SNAPC1: variants seen among roughly 807,000 people sequenced by gnomAD.
SNAPC1 encodes snRNA-activating protein complex subunit 1.
A neutral mutation model predicts 50.1 loss-of-function variants in SNAPC1; 42 were observed. That is an observed-to-expected ratio of 0.84 (90% confidence interval 0.65 to 1.08). The LOEUF (loss-of-function observed/expected upper bound fraction) is 1.08. SNAPC1 is among the 50% of genes least tolerant of loss of function. SNAPC1 has a pLI of 0.00. For synonymous variants in SNAPC1, 164 were observed against 144.2 expected (o/e 1.14, Z -0.98); for missense variants, 477 against 427.3 (o/e 1.12, Z -1.02).
intron 5 of SNAPC1, among the ~76,000 whole-genome samples, chr14:61,777,209 A>G (rs1372043836): frequency 4.4e-5 from 6 of 136,394 alleles, no homozygotes; most frequent in Non-Finnish European, 7.8e-5. Context: ...AGAAAAGATA[A>G]ACAAGGAAAC....
At chr14:61,779,708 G>GTTTTTT (rs5809124) in intron 7 of SNAPC1, among the ~76,000 whole-genome samples, 2 of 115,530 alleles carry the variant, frequency 1.7e-5, no homozygotes, top group Non-Finnish European at 3.3e-5. Context: ...CACTTTGTTG[G>GTTTTTT]TTTTTTTTTT....
intron 4 of SNAPC1, 76 bp downstream of exon 4, chr14:61,768,816 A>G (rs999890885): frequency 8.6e-6 from 6 of 698,918 alleles, no homozygotes; most frequent in Non-Finnish European, 1.5e-5. Context: ...TTATACCTTC[A>G]TCTACTGGAT....
At position 61,782,324 on chromosome 14, in the gene SNAPC1, CA is replaced by C; in HGVS notation, c.906del (p.Ala303GlnfsTer11). The C allele has an allele frequency of 6.2e-7, 1 of 1,613,230 alleles. No homozygotes were observed. The highest frequency in any genetic ancestry group is 8.5e-7 in the Non-Finnish European group (1 of 1,179,602). On this transcript the variant is annotated frameshift_variant, in exon 8 of 10. Transcript: ENST00000216294. LOFTEE classifies it high-confidence loss of function. ...ATTCTGCATCTGGTCAAGGGCAAGT[CA>C]AAGCAACTAGGAAAAAAGAGAAGAA... ...SDSASGQGQV[K>X]ATRKKEKKER...
intron 9 of SNAPC1, among the ~76,000 whole-genome samples, chr14:61,793,899 G>C (rs549789892): frequency 6.6e-6 from 1 of 151,928 alleles, no homozygotes; most frequent in South Asian, 2.1e-4. Flanking sequence ...TAAGTGATCC[G>C]CTTGCCTTGG....
At position 61,762,443 on chromosome 14, in the gene SNAPC1, G is replaced by GTGCGGGCTTCGGAGGCA; in HGVS notation, c.-6_-5insAGGCATGCGGGCTTCGG. On this transcript the variant is annotated 5_prime_UTR_variant, in exon 1 of 10. The change creates a new upstream start codon in the 5' untranslated region. Coordinates refer to ENST00000216294, the MANE Select transcript of SNAPC1 (RefSeq NM_003082.4). Reference sequence around the variant, plus strand: ...TTAGAGGCGTGCGGGCTTCGGAGGCGTGCGGGCTTCGGGTGCCATGGGGAC... The same window carrying GTGCGGGCTTCGGAGGCA: ...TTAGAGGCGTGCGGGCTTCGGAGGCGTGCGGGCTTCGGAGGCATGCGGGCTTCGGGTGCCATGGGGAC... 6.2e-7 allele frequency: 1 copy of GTGCGGGCTTCGGAGGCA among 1,610,388 alleles called. No individual in the cohort carries two copies. Among genetic ancestry groups the GTGCGGGCTTCGGAGGCA allele is most frequent in the Non-Finnish European group, 8.5e-7 (1 of 1,179,398 alleles).
intron 1 of SNAPC1, among the ~76,000 whole-genome samples, chr14:61,765,405 A>G (rs183347044): frequency 6.6e-6 from 1 of 152,326 alleles, no homozygotes; most frequent in Non-Finnish European, 1.5e-5. Context: ...GTCAGGGCAC[A>G]GCTTGGTTTT....
intron 7 of SNAPC1, among the ~76,000 whole-genome samples, chr14:61,781,675 A>G (rs536131170): frequency 6.6e-6 from 1 of 152,334 alleles, no homozygotes; most frequent in South Asian, 2.1e-4. Flanking sequence ...TTTTCCTGAC[A>G]GCTCCAGCCT....
At chr14:61,794,494 C>G (rs1362807039) in intron 9 of SNAPC1, among the ~76,000 whole-genome samples, 1 of 152,152 alleles carries the variant, frequency 6.6e-6, no homozygotes, top group Admixed American at 6.5e-5. Flanking sequence ...CAACCTCCAC[C>G]TCCTGGGTTC....
At chr14:61,785,914 T>C in intron 8 of SNAPC1, among the ~76,000 whole-genome samples, 1 of 152,036 alleles carries the variant, frequency 6.6e-6, no homozygotes, top group East Asian at 1.9e-4. Context: ...CCTAAGCAGT[T>C]CCAGCTTGAC....
At chr14:61,793,533 G>A (rs1322571372) in intron 9 of SNAPC1, among the ~76,000 whole-genome samples, 1 of 151,852 alleles carries the variant, frequency 6.6e-6, no homozygotes, top group Admixed American at 6.6e-5. Flanking sequence ...ATGAGCCACC[G>A]TGCCTGGCCT....
At position 61,795,434 on chromosome 14, in the gene SNAPC1, ATTG is replaced by A. The variant is rs1288309104; in HGVS notation, c.*454_*456del. Reference sequence around the variant, plus strand: ...TTTGTATATTTATTCTATTTTGTATATTGTTAAGTGCAATAAAGTTTTTGCCTT... The same window carrying A: ...TTTGTATATTTATTCTATTTTGTATATTAAGTGCAATAAAGTTTTTGCCTT... On this transcript the variant is annotated 3_prime_UTR_variant, in exon 10 of 10. Coordinates refer to ENST00000216294, the MANE Select transcript of SNAPC1 (RefSeq NM_003082.4). 6.6e-6 allele frequency: 1 copy of A among 152,528 alleles called. No homozygotes were observed. Among genetic ancestry groups the A allele is most frequent in the Non-Finnish European group, 1.5e-5 (1 of 68,030 alleles). 9.4% of individuals were successfully genotyped at this position (152,528 alleles called of 1,614,324 possible). A position where few individuals can be genotyped will look rare whatever the true frequency, so the allele number is the denominator to read the frequency against.
intron 8 of SNAPC1, among the ~76,000 whole-genome samples, chr14:61,790,822 T>G (rs546060504): frequency 1.1e-3 from 164 of 152,334 alleles, no homozygotes; most frequent in Non-Finnish European, 1.9e-3. Flanking sequence ...TACACTTAAG[T>G]AAATTTGTTG....
Position 61,770,308 on chromosome 14 carries a change from T to A in SNAPC1, c.534+1568T>A, listed in dbSNP as rs2044978669. 3.3e-5 allele frequency among the ~76,000 whole-genome samples: 5 copies of A among 151,326 alleles called. No homozygotes were observed. In the South Asian group the frequency reaches 1.0e-3, roughly 32 times the overall value. On this transcript the variant is annotated intron_variant, in intron 4 of 9. Coordinates refer to ENST00000216294, the MANE Select transcript of SNAPC1 (RefSeq NM_003082.4). Reference sequence around the variant, plus strand: ...CCCAGGCTGGAATGTAGTGGCACGATCTTGGCTTGCAGCAACCTCTGCCTC... The same window carrying A: ...CCCAGGCTGGAATGTAGTGGCACGAACTTGGCTTGCAGCAACCTCTGCCTC...
intron 1 of SNAPC1, among the ~76,000 whole-genome samples, chr14:61,765,008 C>T (rs961946072): frequency 3.9e-5 from 6 of 152,062 alleles, no homozygotes; most frequent in East Asian, 1.9e-4. Context: ...ATTTGTATAG[C>T]GTATTAGTCA....
chr14:61,794,903 T>C, intron 9 of SNAPC1, 46 bp from the exon 10 acceptor site: 2 of 1,386,450 alleles, frequency 1.4e-6, no homozygotes, highest in African/African-American at 1.4e-5. Context: ...TGTTTGTTTT[T>C]TTTTTGTTTT....
intron 9 of SNAPC1, among the ~76,000 whole-genome samples, chr14:61,794,620 G>C (rs565364414): frequency 1.3e-4 from 20 of 152,236 alleles, no homozygotes; most frequent in Admixed American, 7.9e-4. Context: ...ATGTTAGCCA[G>C]GATGGTCTCG....
intron 7 of SNAPC1, among the ~76,000 whole-genome samples, chr14:61,781,123 G>A (rs1270099700): frequency 6.6e-6 from 1 of 152,092 alleles, no homozygotes; most frequent in African/African-American, 2.4e-5. Context: ...AATCCTCCAT[G>A]GATACTGAGA....
chr14:61,788,726 C>A (rs534686216), intron 8 of SNAPC1, among the ~76,000 whole-genome samples: 3 of 152,200 alleles, frequency 2.0e-5, no homozygotes, highest in African/African-American at 4.8e-5. Context: ...AGTAAATTGG[C>A]ACATTCTTTT....
At chr14:61,785,983 A>G (rs1429865393) in intron 8 of SNAPC1, among the ~76,000 whole-genome samples, 1 of 152,196 alleles carries the variant, frequency 6.6e-6, no homozygotes, top group East Asian at 1.9e-4. Flanking sequence ...TCACACTGCT[A>G]AAGAAATTAA....
Sources: allele counts gnomAD v4.1 joint callset (sites outside exome capture counted in the v4.1 genomes callset), GRCh38; gene constraint gnomAD v4.1.1; transcripts MANE v1.5; gene names NCBI Gene and HGNC (gene_info 2026-07-23, HGNC 2026-07-21).